MAN1C1: variants seen among roughly 807,000 people sequenced by gnomAD.
MAN1C1 encodes mannosyl-oligosaccharide 1,2-alpha-mannosidase IC.
MAN1C1 carries 49 observed loss-of-function variants against 71.5 expected under a neutral mutation model. The ratio of observed to expected loss-of-function variants is 0.69; its 90% confidence interval spans 0.54 to 0.87. The LOEUF is 0.87. Among genes scored for constraint, MAN1C1 ranks in the 40% least tolerant of loss-of-function variants. MAN1C1 has a pLI of 0.00. For synonymous variants in MAN1C1, 352 were observed against 343.7 expected, an observed-to-expected ratio of 1.02 and a Z score of -0.27; for missense variants, 743 against 835.0, an observed-to-expected ratio of 0.89 and a Z score of 1.36.
chr1:25,650,460 C>T (rs559295211), intron 1 of MAN1C1, among the ~76,000 whole-genome samples: 4 of 152,296 alleles, frequency 2.6e-5, no homozygotes, highest in South Asian at 2.1e-4. Context: ...CTCCAGTCTA[C>T]TTCCACGTAA....
intron 2 of MAN1C1, among the ~76,000 whole-genome samples, chr1:25,744,341 TG>T (rs2047099882): frequency 6.6e-6 from 1 of 152,206 alleles, no homozygotes; most frequent in Non-Finnish European, 1.5e-5. Flanking sequence ...CAAGTCTGTT[TG>T]GCTTTGGGAT....
chr1:25,690,413 C>A (rs1394272399), intron 2 of MAN1C1, among the ~76,000 whole-genome samples: 3 of 152,030 alleles, frequency 2.0e-5, no homozygotes, highest in Non-Finnish European at 4.4e-5. Context: ...CTGCCTCAGC[C>A]TCCTGAGTAG....
intron 2 of MAN1C1, among the ~76,000 whole-genome samples, chr1:25,719,696 G>A (rs979604990): frequency 6.6e-6 from 1 of 152,190 alleles, no homozygotes; most frequent in African/African-American, 2.4e-5. Flanking sequence ...CCAAAGTGCT[G>A]GGATTATAGG....
chr1:25,767,644 A>ACC (rs1162982178), intron 7 of MAN1C1, among the ~76,000 whole-genome samples: 3 of 18,650 alleles, frequency 1.6e-4, no homozygotes, highest in African/African-American at 1.1e-3. Flanking sequence ...CACATTACAC[A>ACC]CTCCCCCCAC....
chr1:25,724,774 C>G (rs957037978), intron 2 of MAN1C1, among the ~76,000 whole-genome samples: 4 of 152,212 alleles, frequency 2.6e-5, no homozygotes, highest in Admixed American at 1.3e-4. Context: ...AACAAGGAAC[C>G]TGGGGTTCTG....
chr1:25,762,624 C>A (rs889322116), intron 6 of MAN1C1, among the ~76,000 whole-genome samples: 1 of 151,898 alleles, frequency 6.6e-6, no homozygotes, highest in Admixed American at 6.6e-5. Context: ...ATGGGGGTTT[C>A]ACCATGTTGC....
chr1:25,754,604 ACTC>A (rs1327381512), intron 5 of MAN1C1, among the ~76,000 whole-genome samples: 1 of 151,654 alleles, frequency 6.6e-6, no homozygotes, highest in Non-Finnish European at 1.5e-5. Context: ...TCAGAGCTGG[ACTC>A]CTGGATCTCT....
chr1:25,762,732 C>T (rs1004070682), intron 6 of MAN1C1, among the ~76,000 whole-genome samples: 1 of 152,016 alleles, frequency 6.6e-6, no homozygotes, highest in Non-Finnish European at 1.5e-5. Flanking sequence ...CTGGCTATAC[C>T]ACATTTTTTT....
Position 25,771,652 on chromosome 1 carries a change from C to T in MAN1C1, c.1142-5C>T. 6.2e-7 allele frequency: 1 copy of T among 1,606,738 alleles called. No homozygotes were observed. Among genetic ancestry groups the T allele is most frequent in the African/African-American group, 1.3e-5 (1 of 74,908 alleles). ...ATAATGTTCTTGTCCTCTTTCCCTT[C>T]ACAGACCATGTCTCAGTTGGAGGAC... is the stretch of plus-strand genomic sequence containing the variant. On this transcript the variant is annotated splice_region_variant and splice_polypyrimidine_tract_variant and intron_variant, in intron 7 of 11. Transcript: ENST00000374332.
At chr1:25,658,420 T>C (rs559432356) in intron 1 of MAN1C1, among the ~76,000 whole-genome samples, 5 of 152,246 alleles carry the variant, frequency 3.3e-5, no homozygotes, top group African/African-American at 9.6e-5. Flanking sequence ...AGGCTTGGAA[T>C]GAGCCTAGTA....
chr1:25,647,773 G>A lies in MAN1C1; in HGVS notation c.540+29436G>A, dbSNP rs540923631. Among the ~76,000 whole-genome samples, 7 of 152,310 alleles carry A rather than the reference G, an allele frequency of 4.6e-5. No homozygotes were observed. The South Asian group carries it at 1.5e-3, about 32-fold the overall frequency. On this transcript the variant is annotated intron_variant, in intron 1 of 11. Coordinates refer to ENST00000374332, the MANE Select transcript of MAN1C1 (RefSeq NM_020379.4). ...GAAGAGCGATGGGGGAATAGAAATT[G>A]GGATGAGGGGTACAGACAGATGGAA...
rs2124354877 is a variant in MAN1C1 at position 25,753,598 on chromosome 1, C to T, written c.929+20C>T. 2.5e-6 allele frequency: 4 copies of T among 1,604,368 alleles called. No homozygotes were observed. The highest frequency in any genetic ancestry group is 8.5e-7 in the Non-Finnish European group (1 of 1,172,500). On this transcript the variant is annotated intron_variant, in intron 5 of 11. Transcript: ENST00000374332. This position sits in a 1 kb window ranked among gnomAD's most constrained non-coding sequence, Gnocchi z 4.9. Reference sequence around the variant, plus strand: ...CAAAAGGTAGGGCGCCATCGCGTTCCCCACTGGGGCTTTACTGCGACCATG... The same window carrying T: ...CAAAAGGTAGGGCGCCATCGCGTTCTCCACTGGGGCTTTACTGCGACCATG...
intron 2 of MAN1C1, among the ~76,000 whole-genome samples, chr1:25,716,216 G>A (rs2046678520): frequency 6.6e-6 from 1 of 152,178 alleles, no homozygotes; most frequent in Non-Finnish European, 1.5e-5. Context: ...AGCTAAAATT[G>A]TTGCTTCTGT....
chr1:25,708,899 A>T (rs1244436254), intron 2 of MAN1C1, among the ~76,000 whole-genome samples: 1 of 152,036 alleles, frequency 6.6e-6, no homozygotes. Context: ...AGAAAAAAAA[A>T]AGCCACTGGC....
intron 5 of MAN1C1, among the ~76,000 whole-genome samples, chr1:25,756,722 G>A (rs796488036): frequency 6.5e-4 from 99 of 152,156 alleles, no homozygotes; most frequent in Non-Finnish European, 9.3e-4. Context: ...TCCTGTCTCC[G>A]TCGTCTTCCG....
chr1:25,761,620 C>CTTTTTTTTTTTTTTTTTTTTTTTTTTTT (rs71014385), intron 6 of MAN1C1: 1 of 95,814 alleles, frequency 1.0e-5, no homozygotes, highest in Non-Finnish European at 1.9e-5. Context: ...ACCTCTACTT[C>CTTTTTTTTTTTTTTTTTTTTTTTTTTTT]TTTTTTTTTT....
rs557084442 is a variant in MAN1C1, at chr1:25,686,308, T to A, written c.541-132T>A. The A allele has an allele frequency of 3.7e-4, 271 of 738,488 alleles. 2 individuals carry two copies. The highest frequency in any genetic ancestry group is 2.9e-3 in the South Asian group (175 of 60,246). 45.7% of individuals were successfully genotyped at this position (738,488 alleles called of 1,614,324 possible). A position where few individuals can be genotyped will look rare whatever the true frequency, so the allele number is the denominator to read the frequency against. ...AAATCATGTTGCGAGGAAGTCACTT[T>A]CTCCAATTTGGAAAATTTGGAAGGT... is the stretch of plus-strand genomic sequence containing the variant. On this transcript the variant is annotated intron_variant, in intron 1 of 11. Coordinates refer to ENST00000374332, the MANE Select transcript of MAN1C1 (RefSeq NM_020379.4).
chr1:25,778,066 A>G lies in MAN1C1; in HGVS notation c.1258-39A>G. 6.9e-7 allele frequency: 1 copy of G among 1,451,476 alleles called. No individual in the cohort carries two copies. Among genetic ancestry groups the G allele is most frequent in the Non-Finnish European group, 9.3e-7 (1 of 1,073,418 alleles). 89.9% of individuals were successfully genotyped at this position (1,451,476 alleles called of 1,614,324 possible). A position where few individuals can be genotyped will look rare whatever the true frequency, so the allele number is the denominator to read the frequency against. On this transcript the variant is annotated intron_variant, in intron 8 of 11. Transcript: ENST00000374332. The surrounding 1 kb of genome is among the most constrained non-coding windows in gnomAD (Gnocchi z 5.5). ...TTCCCCCCCTTCTCTGTGCCCTCCC[A>G]CGCCCCTTCTCCCTGCCCAATCCCC...
chr1:25,765,331 T>C (rs1422906067), intron 7 of MAN1C1, among the ~76,000 whole-genome samples: 1 of 152,100 alleles, frequency 6.6e-6, no homozygotes, highest in Non-Finnish European at 1.5e-5. Flanking sequence ...CCTGGTCACA[T>C]GGTCATGGTC....
Sources: allele counts gnomAD v4.1 joint callset (sites outside exome capture counted in the v4.1 genomes callset), GRCh38; gene constraint gnomAD v4.1.1; non-coding constraint Gnocchi (gnomAD v3.1); transcripts MANE v1.5; gene names NCBI Gene and HGNC (gene_info 2026-07-23, HGNC 2026-07-21).